SARM1: variants seen among roughly 807,000 people sequenced by gnomAD.
The protein encoded by SARM1 is sterile alpha and TIR motif containing 1, also known as NAD(+) hydrolase SARM1.
SARM1 carries 60 observed loss-of-function variants against 65.1 expected under a neutral mutation model. The ratio of observed to expected loss-of-function variants is 0.92; its 90% CI spans 0.75 to 1.14. SARM1 has a LOEUF of 1.14. Among genes scored for constraint, SARM1 ranks in the 50% most tolerant of loss-of-function variants. The probability of loss-of-function intolerance (pLI) is 0.00; values close to 1 mark genes in which losing one functional copy is unlikely to be tolerated. For synonymous variants in SARM1, 417 were observed against 465.4 expected (o/e 0.90, Z 1.34); for missense variants, 913 against 1,015.7 (o/e 0.90, Z 1.37).
chr17:28,402,388 C>T lies in SARM1; in HGVS notation c.*6102C>T. On this transcript the variant is annotated 3_prime_UTR_variant, in exon 9 of 9. Transcript: ENST00000585482. Reference sequence around the variant, plus strand: ...AGAGGGGCGTCCAAGGGAAAGGCAGCAGAGCTCCTATCCATACCCCACGTG... The same window carrying T: ...AGAGGGGCGTCCAAGGGAAAGGCAGTAGAGCTCCTATCCATACCCCACGTG... The T allele has an allele frequency of 1.5e-6, 2 of 1,374,302 alleles. No individual in the cohort carries two copies. The highest frequency in any genetic ancestry group is 1.9e-5 in the Admixed American group (1 of 53,236). The allele number at this position is 1,374,302 out of a possible 1,614,324, so 85.1% of individuals were successfully genotyped here.
At chr17:28,383,957 G>T (rs1317364343) in intron 2 of SARM1, among the ~76,000 whole-genome samples, 1 of 152,192 alleles carries the variant, frequency 6.6e-6, no homozygotes, top group African/African-American at 2.4e-5. Context: ...AAGACCCAGA[G>T]GTGTGAAAGC....
chr17:28,394,079 C>A (rs1555587289), intron 7 of SARM1, among the ~76,000 whole-genome samples: 1 of 152,164 alleles, frequency 6.6e-6, no homozygotes, highest in African/African-American at 2.4e-5. Context: ...TGGACTGTGG[C>A]CAACCACATA....
At chr17:28,393,675 A>G (rs2142439032) in intron 7 of SARM1, among the ~76,000 whole-genome samples, 1 of 152,286 alleles carries the variant, frequency 6.6e-6, no homozygotes, top group Middle Eastern at 3.4e-3. Flanking sequence ...CGATTTGATG[A>G]TTCCAGAGTG....
intron 5 of SARM1, chr17:28,386,481 A>G (rs987381415): frequency 1.3e-5 from 2 of 152,146 alleles, no homozygotes; most frequent in African/African-American, 4.8e-5. Context: ...CATAAAAGTC[A>G]TTAGATGGCA....
intron 1 of SARM1, among the ~76,000 whole-genome samples, chr17:28,379,094 T>C (rs1426735711): frequency 6.6e-6 from 1 of 152,174 alleles, no homozygotes; most frequent in Non-Finnish European, 1.5e-5. Context: ...TTGCCTGTAT[T>C]GTTCAGCTTC....
In SARM1 at chr17:28,396,669, A is replaced by C; in HGVS notation, c.*383A>C. ...TGACGGAAGGCAGCCTCAGACAGGA[A>C]TTAAGGCAATGCCCAGGCGGGCCTG... is the stretch of plus-strand genomic sequence containing the variant. On this transcript the variant is annotated 3_prime_UTR_variant, in exon 9 of 9. Coordinates refer to ENST00000585482, the MANE Select transcript of SARM1 (RefSeq NM_015077.4). 4.5e-6 allele frequency: 1 copy of C among 220,286 alleles called. No individual in the cohort carries two copies. Among genetic ancestry groups the C allele is most frequent in the Non-Finnish European group, 9.1e-6 (1 of 110,356 alleles). The allele number at this position is 220,286 out of a possible 1,614,324, so 13.6% of individuals were successfully genotyped here.
At chr17:28,386,884 G>A (rs1555586063) in intron 5 of SARM1, among the ~76,000 whole-genome samples, 1 of 152,116 alleles carries the variant, frequency 6.6e-6, no homozygotes, top group Non-Finnish European at 1.5e-5. Flanking sequence ...GACCACAGGT[G>A]CGCAACACCA....
At position 28,399,483 on chromosome 17, in the gene SARM1, TC is replaced by T; in HGVS notation, c.*3198del. 1.6e-6 allele frequency: 1 copy of T among 636,196 alleles called. No homozygotes were observed. The highest frequency in any genetic ancestry group is 2.8e-6 in the Non-Finnish European group (1 of 361,098). 39.4% of individuals were successfully genotyped at this position (636,196 alleles called of 1,614,324 possible). ...TTCTAGATCCTAGACAGAGGCTGGG[TC>T]AGCTGTGGATGGGGTGGTGCCTTGG... On this transcript the variant is annotated 3_prime_UTR_variant, in exon 9 of 9. Coordinates refer to ENST00000585482, the MANE Select transcript of SARM1 (RefSeq NM_015077.4).
Position 28,395,899 on chromosome 17 carries a change from C to T in SARM1, c.1924-6C>T, listed in dbSNP as rs2068115709. Reference sequence around the variant, plus strand: ...GGTATCTTCCTCCTTTCCTTTCTTTCTCCAGGAGATTGTGACTGCTTTAAG... The same window carrying T: ...GGTATCTTCCTCCTTTCCTTTCTTTTTCCAGGAGATTGTGACTGCTTTAAG... On this transcript the variant is annotated splice_region_variant and splice_polypyrimidine_tract_variant and intron_variant, in intron 7 of 8. Transcript: ENST00000585482. 1 of 1,613,526 alleles carries T rather than the reference C, an allele frequency of 6.2e-7. No individual in the cohort carries two copies. The highest frequency in any genetic ancestry group is 1.3e-5 in the African/African-American group (1 of 74,908).
chr17:28,396,607 T>G lies in SARM1; in HGVS notation c.*321T>G. 1 of 316,654 alleles carries G rather than the reference T, an allele frequency of 3.2e-6. No homozygotes were observed. The highest frequency in any genetic ancestry group is 5.9e-6 in the Non-Finnish European group (1 of 168,594). 19.6% of individuals were successfully genotyped at this position (316,654 alleles called of 1,614,324 possible). A position where few individuals can be genotyped will look rare whatever the true frequency, so the allele number is the denominator to read the frequency against. ...AGTTGGGGTGGGGGTGGTTCTGCATTCCCTTCTCCTGCTGATAGCAGTCAG... is the reference window on the plus strand; with the variant it reads ...AGTTGGGGTGGGGGTGGTTCTGCATGCCCTTCTCCTGCTGATAGCAGTCAG... On this transcript the variant is annotated 3_prime_UTR_variant, in exon 9 of 9. Transcript: ENST00000585482.
In SARM1 at chr17:28,402,478, G is replaced by A; in HGVS notation, c.*6192G>A. On this transcript the variant is annotated 3_prime_UTR_variant, in exon 9 of 9. Coordinates refer to ENST00000585482, the MANE Select transcript of SARM1 (RefSeq NM_015077.4). ...AGGGTGGGAAGACAGTAGTCAAGGA[G>A]GAATGGAGACTGCCCTTGTCTGGGC... 5.0e-6 allele frequency: 3 copies of A among 603,520 alleles called. No individual in the cohort carries two copies. Among genetic ancestry groups the A allele is most frequent in the Non-Finnish European group, 8.8e-6 (3 of 339,424 alleles). The allele number at this position is 603,520 out of a possible 1,614,324, so 37.4% of individuals were successfully genotyped here. A position where few individuals can be genotyped will look rare whatever the true frequency, so the allele number is the denominator to read the frequency against.
chr17:28,376,810 A>T (rs1317737344), intron 1 of SARM1, among the ~76,000 whole-genome samples: 1 of 149,402 alleles, frequency 6.7e-6, no homozygotes, highest in African/African-American at 2.5e-5. Flanking sequence ...ATTTTTTGAG[A>T]TGGAGTCTCC....
chr17:28,380,820 A>G (rs916384067), intron 1 of SARM1, among the ~76,000 whole-genome samples: 1 of 152,224 alleles, frequency 6.6e-6, no homozygotes, highest in Non-Finnish European at 1.5e-5. Flanking sequence ...TCTATTTTCT[A>G]TTTATGAGAT....
chr17:28,373,231 G>A (rs2067968660), intron 1 of SARM1: 1 of 152,226 alleles, frequency 6.6e-6, no homozygotes. Flanking sequence ...GCCGCAAGAG[G>A]GTCAAACAGA....
chr17:28,387,367 G>T (rs1213746773), intron 5 of SARM1, among the ~76,000 whole-genome samples: 1 of 151,994 alleles, frequency 6.6e-6, no homozygotes, highest in Non-Finnish European at 1.5e-5. Context: ...CAAGTAGCTA[G>T]ATTACAGACA....
intron 5 of SARM1, 152 bp from the exon 6 acceptor site, chr17:28,388,022 G>A: frequency 1.6e-6 from 1 of 636,830 alleles, no homozygotes; most frequent in Non-Finnish European, 2.8e-6. Context: ...CCTCCTGGAG[G>A]CCCCATTTCT....
At chr17:28,393,730 C>T (rs966535786) in intron 7 of SARM1, among the ~76,000 whole-genome samples, 1 of 152,150 alleles carries the variant, frequency 6.6e-6, no homozygotes, top group Admixed American at 6.5e-5. Context: ...TTCATTCATC[C>T]ATCTATTAAA....
rs2068201139 is a variant in SARM1, at chr17:28,401,939, A to T, written c.*5653A>T. On this transcript the variant is annotated 3_prime_UTR_variant, in exon 9 of 9. Transcript: ENST00000585482. ...AGGGAACTCTGGCATCACCACACCCATCTTACAGACGGAAAAGCTGAGGTC... is the reference window on the plus strand; with the variant it reads ...AGGGAACTCTGGCATCACCACACCCTTCTTACAGACGGAAAAGCTGAGGTC... 4.3e-6 allele frequency: 1 copy of T among 232,374 alleles called. No homozygotes were observed. Among genetic ancestry groups the T allele is most frequent in the Non-Finnish European group, 8.4e-6 (1 of 119,356 alleles). The allele number at this position is 232,374 out of a possible 1,614,324, so 14.4% of individuals were successfully genotyped here. A position where few individuals can be genotyped will look rare whatever the true frequency, so the allele number is the denominator to read the frequency against.
chr17:28,379,982 G>C (rs945304385), intron 1 of SARM1, among the ~76,000 whole-genome samples: 4 of 143,938 alleles, frequency 2.8e-5, no homozygotes, highest in African/African-American at 7.7e-5. Flanking sequence ...TTTTGAATTT[G>C]TTGCCTTTTT....
Sources: allele counts gnomAD v4.1 joint callset (sites outside exome capture counted in the v4.1 genomes callset), GRCh38; gene constraint gnomAD v4.1.1; transcripts MANE v1.5; gene names NCBI Gene and HGNC (gene_info 2026-07-23, HGNC 2026-07-21).